The following MMS22L variants were observed in gnomAD, a reference collection of about 807,000 sequenced individuals.
MMS22L encodes the protein MMS22 like, DNA repair protein, also known as protein MMS22-like.
In MMS22L, 74 loss-of-function variants were observed where a neutral mutation model predicts 159.1. The observed-to-expected ratio is 0.47, with a 90% CI of 0.39 to 0.56. The LOEUF is 0.56. Ranked by LOEUF, MMS22L falls within the 20% of genes least tolerant of loss-of-function variation. The probability of loss-of-function intolerance (pLI) is 0.00; values close to 1 mark genes in which losing one functional copy is unlikely to be tolerated. For synonymous variants in MMS22L, 517 were observed against 506.9 expected (o/e 1.02, Z -0.27); for missense variants, 1,351 against 1,422.1 (o/e 0.95, Z 0.80).
intron 13 of MMS22L, among the ~76,000 whole-genome samples, chr6:97,230,092 G>GGTCTTTT (rs1193666361): frequency 6.6e-6 from 1 of 151,672 alleles, no homozygotes; most frequent in Non-Finnish European, 1.5e-5. Flanking sequence ...AGTTGTTGTT[G>GGTCTTTT]GTTTTTTGTT....
At position 97,254,588 on chromosome 6, in the gene MMS22L, T is replaced by A. The variant is rs770578531; in HGVS notation, c.1088A>T (p.Lys363Met). 8.1e-6 allele frequency: 13 copies of A among 1,613,416 alleles called. No homozygotes were observed. The East Asian group carries it at 2.5e-4, about 30-fold the overall frequency. The change falls in exon 10 of 25, where the codon AAG becomes ATG. Residue 363 changes from lysine (K) to methionine (M), a missense_variant. Transcript: ENST00000683635. The part of the protein sequence containing the change: ...WIITHVASFY[K>M]FDRHGVPDEM... ...ATCTGGTACTCCATGGCGATCAAACTTGTAAAATGATGCTACATGAGTAAT... is the reference window on the plus strand; with the variant it reads ...ATCTGGTACTCCATGGCGATCAAACATGTAAAATGATGCTACATGAGTAAT...
intron 14 of MMS22L, among the ~76,000 whole-genome samples, chr6:97,201,000 A>G (rs547206833): frequency 6.6e-6 from 1 of 152,234 alleles, no homozygotes; most frequent in South Asian, 2.1e-4. Context: ...TGGGAATAAG[A>G]TGTTTAGATT....
intron 10 of MMS22L, among the ~76,000 whole-genome samples, chr6:97,248,776 T>C (rs1310239904): frequency 6.6e-6 from 1 of 151,894 alleles, no homozygotes; most frequent in Non-Finnish European, 1.5e-5. Flanking sequence ...GGAGAATCGC[T>C]TGAACCCAGG....
upstream of MMS22L, chr6:97,283,705 AT>A (rs1816979371): frequency 6.6e-6 from 1 of 152,204 alleles, no homozygotes; most frequent in Admixed American, 6.5e-5. Context: ...ACTTGACCTA[AT>A]TGACGTTTAT....
chr6:97,275,161 A>T (rs924308427), intron 4 of MMS22L, among the ~76,000 whole-genome samples: 4 of 152,240 alleles, frequency 2.6e-5, no homozygotes, highest in Admixed American at 6.5e-5. Context: ...TATATATTCA[A>T]AGAAGCAGAA....
At chr6:97,163,473 A>C (rs914635591) in intron 21 of MMS22L, among the ~76,000 whole-genome samples, 2 of 152,044 alleles carry the variant, frequency 1.3e-5, no homozygotes, top group African/African-American at 4.8e-5. Flanking sequence ...ATAAACCACA[A>C]GAAAAACATT....
In MMS22L at chr6:97,158,004, A is replaced by T. The variant is rs186000806; in HGVS notation, c.3385+3998T>A. Among the ~76,000 whole-genome samples, 24 of 152,118 alleles carry T rather than the reference A, an allele frequency of 1.6e-4. No homozygotes were observed. The East Asian group carries it at 4.4e-3, about 28-fold the overall frequency. On this transcript the variant is annotated intron_variant, in intron 22 of 24. Transcript: ENST00000683635. ...TACTGCCTCAATTTCAATACCTGTT[A>T]TTGGTCTATTCAGATGTTCGACTTC... is the stretch of plus-strand genomic sequence containing the variant.
At position 97,272,377 on chromosome 6, in the gene MMS22L, T is replaced by A. The variant is rs569697867; in HGVS notation, c.606+327A>T. On this transcript the variant is annotated intron_variant, in intron 6 of 24. Coordinates refer to ENST00000683635, the MANE Select transcript of MMS22L (RefSeq NM_001350599.2). Reference sequence around the variant, plus strand: ...AAAATAAAGATTATTTCATTTGCTTTAAAATTTTCAGACACTTATACTGTC... The same window carrying A: ...AAAATAAAGATTATTTCATTTGCTTAAAAATTTTCAGACACTTATACTGTC... 1.5e-4 allele frequency: 27 copies of A among 176,034 alleles called. No individual in the cohort carries two copies. In the South Asian group the frequency reaches 4.9e-3, roughly 32 times the overall value. The allele number at this position is 176,034 out of a possible 1,614,324, so 10.9% of individuals were successfully genotyped here.
chr6:97,267,737 C>G, intron 8 of MMS22L, 135 bp downstream of exon 8: 1 of 758,236 alleles, frequency 1.3e-6, no homozygotes, highest in Non-Finnish European at 1.8e-6. Flanking sequence ...CCTTTCAGCT[C>G]CCAGATAATA....
intron 14 of MMS22L, among the ~76,000 whole-genome samples, chr6:97,218,781 G>T (rs1028790631): frequency 1.3e-5 from 2 of 152,120 alleles, no homozygotes; most frequent in South Asian, 2.1e-4. Context: ...AAAGAAAAGA[G>T]GTTTAATTGA....
At chr6:97,270,234 A>G (rs1338152376) in intron 6 of MMS22L, 1 of 596,510 alleles carries the variant, frequency 1.7e-6, no homozygotes, top group South Asian at 1.6e-5. Flanking sequence ...GCTGCTGAAT[A>G]GACTTGTATA....
chr6:97,187,904 T>C (rs185223143), intron 14 of MMS22L, among the ~76,000 whole-genome samples: 306 of 152,224 alleles, frequency 2.0e-3, no homozygotes, highest in Non-Finnish European at 2.9e-3. Context: ...CCCCTTTACA[T>C]TGGAATTCCT....
At chr6:97,207,188 T>C (rs1373508140) in intron 14 of MMS22L, among the ~76,000 whole-genome samples, 1 of 152,184 alleles carries the variant, frequency 6.6e-6, no homozygotes, top group Non-Finnish European at 1.5e-5. Flanking sequence ...TTTTCCATAA[T>C]TGAGTTTTCC....
Position 97,195,479 on chromosome 6 carries a change from C to G in MMS22L, c.2040-8789G>C, listed in dbSNP as rs190680422. On this transcript the variant is annotated intron_variant, in intron 14 of 24. Transcript: ENST00000683635. ...GTTTGAAGAATGAAAAAAACGTAAC[C>G]ACTTTGATTATAATAGAGAATTTTT... Among the ~76,000 whole-genome samples the G allele has an allele frequency of 1.5e-4, 23 of 152,148 alleles. 1 individual carries two copies. The East Asian group carries it at 3.7e-3, about 24-fold the overall frequency.
At chr6:97,229,616 G>C (rs555799953) in intron 13 of MMS22L, among the ~76,000 whole-genome samples, 3 of 152,238 alleles carry the variant, frequency 2.0e-5, no homozygotes, top group African/African-American at 7.2e-5. Flanking sequence ...ACCTGTAAGT[G>C]AATCAAAGGA....
At chr6:97,199,281 T>C (rs1458568138) in intron 14 of MMS22L, among the ~76,000 whole-genome samples, 1 of 152,126 alleles carries the variant, frequency 6.6e-6, no homozygotes, top group Non-Finnish European at 1.5e-5. Flanking sequence ...TTGTGAGCAT[T>C]TTTCCTAATT....
At chr6:97,239,737 G>A (rs1017275285) in intron 11 of MMS22L, among the ~76,000 whole-genome samples, 5 of 152,122 alleles carry the variant, frequency 3.3e-5, no homozygotes, top group Admixed American at 6.5e-5. Flanking sequence ...AACACAGCAA[G>A]ATCTGTCTAT....
Position 97,168,365 on chromosome 6 carries a change from A to G in MMS22L, c.2840-125T>C, listed in dbSNP as rs1391207565. ...ATTAAAGTAGGGAATAGGAAGAGAC[A>G]TATAGTAGAAGTAACAAATATTTAT... On this transcript the variant is annotated intron_variant, in intron 19 of 24. Coordinates refer to ENST00000683635, the MANE Select transcript of MMS22L (RefSeq NM_001350599.2). 5.5e-6 allele frequency: 4 copies of G among 733,588 alleles called. No homozygotes were observed. In the East Asian group the frequency reaches 1.1e-4, roughly 20 times the overall value. 45.4% of individuals were successfully genotyped at this position (733,588 alleles called of 1,614,324 possible).
At chr6:97,267,321 ATAC>A (rs1343979419) in intron 8 of MMS22L, 1 of 152,140 alleles carries the variant, frequency 6.6e-6, no homozygotes, top group African/African-American at 2.4e-5. Context: ...ACAAACATTT[ATAC>A]TACTTAAAAA....
Sources: gnomAD v4.1 joint callset for allele counts (sites outside exome capture counted in the v4.1 genomes callset) on GRCh38, gnomAD v4.1.1 for gene constraint, MANE v1.5 for transcripts, NCBI Gene and HGNC (gene_info 2026-07-23, HGNC 2026-07-21) for gene names.